CTDSP2: variants seen among roughly 807,000 people sequenced by gnomAD.
CTDSP2 encodes the protein carboxy-terminal domain RNA polymerase II polypeptide A small phosphatase 2.
A neutral mutation model predicts 31.6 loss-of-function variants in CTDSP2; 9 were observed. The ratio of observed to expected loss-of-function variants is 0.28; its 90% CI spans 0.17 to 0.50. The LOEUF (loss-of-function observed/expected upper bound fraction) is 0.50, where lower values mean the gene tolerates loss of function less well. CTDSP2 is among the 20% of genes least tolerant of loss of function. The pLI is 0.98. For missense variants in CTDSP2, 267 were observed against 348.5 expected, an observed-to-expected ratio of 0.77 and a Z score of 1.86; for synonymous variants, 134 against 134.5, an observed-to-expected ratio of 1.00 and a Z score of 0.03.
chr12:57,835,488 C>A (rs1272976711), intron 1 of CTDSP2, among the ~76,000 whole-genome samples: 1 of 152,180 alleles, frequency 6.6e-6, no homozygotes, highest in Non-Finnish European at 1.5e-5. Flanking sequence ...ATGGTTTCCC[C>A]AACCAGGGAG....
intron 1 of CTDSP2, among the ~76,000 whole-genome samples, chr12:57,836,903 C>T (rs1344466457): frequency 6.6e-6 from 1 of 152,088 alleles, no homozygotes; most frequent in Non-Finnish European, 1.5e-5. Context: ...TTTTTTGGTT[C>T]ATCCCCAGAA....
rs531828520 is a variant in CTDSP2, at chr12:57,819,997, AAC to A, written c.*3603_*3604del. On this transcript the variant is annotated 3_prime_UTR_variant, in exon 8 of 8. Coordinates refer to ENST00000398073, the MANE Select transcript of CTDSP2 (RefSeq NM_005730.4). ...GTAATACAAATATTCCAAAAATATA[AAC>A]AGACACTTAATGGCGTCCTGCATTT... is the stretch of plus-strand genomic sequence containing the variant. 2.6e-5 allele frequency: 4 copies of A among 152,782 alleles called. No homozygotes were observed. Among genetic ancestry groups the A allele is most frequent in the African/African-American group, 9.6e-5 (4 of 41,580 alleles). The allele number at this position is 152,782 out of a possible 1,614,324, so 9.5% of individuals were successfully genotyped here.
rs1315602753 is a variant in CTDSP2 at position 57,846,502 on chromosome 12, T to TG, written c.-68dup. On this transcript the variant is annotated 5_prime_UTR_variant, in exon 1 of 8. Transcript: ENST00000398073. Reference sequence around the variant, plus strand: ...GGCGGGCGCGCGGGCTGGGCTGGGCTGGGGGGCCTGGGCGGGGGCCCGCTC... The same window carrying TG: ...GGCGGGCGCGCGGGCTGGGCTGGGCTGGGGGGGCCTGGGCGGGGGCCCGCTC... The TG allele has an allele frequency of 7.5e-7, 1 of 1,333,956 alleles. No homozygotes were observed. Among genetic ancestry groups the TG allele is most frequent in the Non-Finnish European group, 1.0e-6 (1 of 1,003,898 alleles). The allele number at this position is 1,333,956 out of a possible 1,614,324, so 82.6% of individuals were successfully genotyped here. A position where few individuals can be genotyped will look rare whatever the true frequency, so the allele number is the denominator to read the frequency against.
In CTDSP2 at chr12:57,846,606, C is replaced by T; in HGVS notation, c.-171G>A. On this transcript the variant is annotated 5_prime_UTR_variant, in exon 1 of 8. Coordinates refer to ENST00000398073, the MANE Select transcript of CTDSP2 (RefSeq NM_005730.4). ...TCCCCGGACCGGGAAGGGAGGCGGC[C>T]TGTACAAAGGGCGGGCGGCCCGGGC... The T allele has an allele frequency of 1.8e-6, 1 of 563,800 alleles. No homozygotes were observed. The highest frequency in any genetic ancestry group is 3.6e-5 in the East Asian group (1 of 27,856). The allele number at this position is 563,800 out of a possible 1,614,324, so 34.9% of individuals were successfully genotyped here. A position where few individuals can be genotyped will look rare whatever the true frequency, so the allele number is the denominator to read the frequency against.
intron 1 of CTDSP2, among the ~76,000 whole-genome samples, chr12:57,840,711 AAAG>A (rs1475369197): frequency 6.6e-6 from 1 of 151,992 alleles, no homozygotes. Context: ...GCAAGAAATA[AAAG>A]AAGGTATAGA....
intron 6 of CTDSP2, 23 bp from the exon 7 acceptor site, chr12:57,824,112 A>G: frequency 1.9e-6 from 3 of 1,613,420 alleles, no homozygotes; most frequent in Non-Finnish European, 2.5e-6. Context: ...AAGATGCCTT[A>G]GTTTGGATAC....
At chr12:57,845,174 T>A (rs1348269278) in intron 1 of CTDSP2, among the ~76,000 whole-genome samples, 1 of 151,848 alleles carries the variant, frequency 6.6e-6, no homozygotes, top group African/African-American at 2.4e-5. Context: ...GAGGGAGCGC[T>A]CCGGCTTCGG....
chr12:57,838,424 C>T (rs1956260885), intron 1 of CTDSP2, among the ~76,000 whole-genome samples: 1 of 152,156 alleles, frequency 6.6e-6, no homozygotes, highest in Admixed American at 6.5e-5. Context: ...TGGAGTTACC[C>T]CTCCTTCCCC....
chr12:57,824,695 T>C lies in CTDSP2; in HGVS notation c.412-376A>G, dbSNP rs751767778. On this transcript the variant is annotated intron_variant, in intron 5 of 7. Coordinates refer to ENST00000398073, the MANE Select transcript of CTDSP2 (RefSeq NM_005730.4). ...ATTACTTGAATCCAGCCACAGCCTC[T>C]ATGGGAGCTTTCTGTCCTTGGCTCC... The C allele has an allele frequency of 7.4e-6, 4 of 537,860 alleles. No homozygotes were observed. In the East Asian group the frequency reaches 2.1e-4, roughly 29 times the overall value. 33.3% of individuals were successfully genotyped at this position (537,860 alleles called of 1,614,324 possible).
At chr12:57,837,584 C>A (rs188865793) in intron 1 of CTDSP2, among the ~76,000 whole-genome samples, 1 of 151,856 alleles carries the variant, frequency 6.6e-6, no homozygotes, top group Non-Finnish European at 1.5e-5. Flanking sequence ...CCAGCTACTC[C>A]GGAGGCTGAG....
intron 1 of CTDSP2, among the ~76,000 whole-genome samples, chr12:57,834,189 A>C (rs1956233111): frequency 6.6e-6 from 1 of 152,012 alleles, no homozygotes; most frequent in Non-Finnish European, 1.5e-5. Flanking sequence ...CTAAGACAAG[A>C]GTCTCATTCT....
Position 57,846,549 on chromosome 12 carries a change from C to A in CTDSP2, c.-114G>T, listed in dbSNP as rs1054040775. 3.4e-5 allele frequency: 28 copies of A among 828,660 alleles called. No homozygotes were observed. The African/African-American group carries it at 5.2e-4, about 15-fold the overall frequency. The allele number at this position is 828,660 out of a possible 1,614,324, so 51.3% of individuals were successfully genotyped here. ...GCTCCGGCTCCCGAGACTCCGACTT[C>A]CACAGCTGTTCACATCCCCCCTCTC... On this transcript the variant is annotated 5_prime_UTR_variant, in exon 1 of 8. Transcript: ENST00000398073.
At chr12:57,836,139 G>A (rs947189364) in intron 1 of CTDSP2, among the ~76,000 whole-genome samples, 2 of 152,158 alleles carry the variant, frequency 1.3e-5, no homozygotes, top group African/African-American at 4.8e-5. Context: ...ATGAGGGAAA[G>A]GTGCCTGAGA....
Position 57,825,551 on chromosome 12 carries a change from A to C in CTDSP2, c.411+795T>G, listed in dbSNP as rs535194117. On this transcript the variant is annotated intron_variant, in intron 5 of 7. Coordinates refer to ENST00000398073, the MANE Select transcript of CTDSP2 (RefSeq NM_005730.4). ...TCCCTATACCCTCAGCTAGACTGTC[A>C]AAGGGCTGCTGGACCAAGCCTAGTC... Among the ~76,000 whole-genome samples, 16 of 152,320 alleles carry C rather than the reference A, an allele frequency of 1.1e-4. No individual in the cohort carries two copies. The East Asian group carries it at 2.7e-3, about 26-fold the overall frequency.
At chr12:57,834,414 A>G (rs1395576390) in intron 1 of CTDSP2, among the ~76,000 whole-genome samples, 1 of 152,118 alleles carries the variant, frequency 6.6e-6, no homozygotes, top group Non-Finnish European at 1.5e-5. Context: ...CAGGATGTCA[A>G]AGTTGGAAGG....
intron 1 of CTDSP2, among the ~76,000 whole-genome samples, chr12:57,839,888 A>G (rs1042398356): frequency 1.3e-5 from 2 of 152,068 alleles, no homozygotes; most frequent in Non-Finnish European, 2.9e-5. Context: ...TAAGTGAGAT[A>G]CGAGATATAA....
At chr12:57,828,146 G>A (rs983405703) in intron 2 of CTDSP2, among the ~76,000 whole-genome samples, 6 of 152,154 alleles carry the variant, frequency 3.9e-5, no homozygotes, top group Non-Finnish European at 5.9e-5. Flanking sequence ...ACCGCCGGGC[G>A]CAGTGGCTCA....
In CTDSP2 at chr12:57,828,939, G is replaced by A. The variant is rs574036359; in HGVS notation, c.213+509C>T. 5.9e-5 allele frequency among the ~76,000 whole-genome samples: 9 copies of A among 152,362 alleles called. No homozygotes were observed. In the South Asian group the frequency reaches 1.4e-3, roughly 25 times the overall value. On this transcript the variant is annotated intron_variant, in intron 2 of 7. Transcript: ENST00000398073. ...CAGGAGTTATTAACAGCATGGTAGA[G>A]TTTCAATTCCTTGGTTCCCTGTAAC...
chr12:57,824,383 C>T (rs1365110482), intron 5 of CTDSP2, 64 bp from the exon 6 acceptor site: 1 of 1,190,846 alleles, frequency 8.4e-7, no homozygotes, highest in South Asian at 1.2e-5. Context: ...GTACTGGGTA[C>T]CTTCACCAGT....
Sources: allele counts gnomAD v4.1 joint callset (sites outside exome capture counted in the v4.1 genomes callset), GRCh38; gene constraint gnomAD v4.1.1; transcripts MANE v1.5; gene names NCBI Gene and HGNC (gene_info 2026-07-23, HGNC 2026-07-21).